The following ITSN1 variants were observed in gnomAD, a reference collection of about 807,000 sequenced individuals.
ITSN1 encodes intersectin 1.
ITSN1 carries 58 observed loss-of-function variants against 239.8 expected under a neutral mutation model. That is an observed-to-expected ratio of 0.24 (90% CI 0.20 to 0.30). ITSN1 has a LOEUF of 0.30. Among genes scored for constraint, ITSN1 ranks in the 10% least tolerant of loss-of-function variants. The probability of loss-of-function intolerance (pLI) is 1.00; values close to 1 mark genes in which losing one functional copy is unlikely to be tolerated. For synonymous variants in ITSN1, 780 were observed against 770.8 expected (o/e 1.01, Z -0.20); for missense variants, 1,558 against 2,103.3 (o/e 0.74, Z 5.07).
chr21:33,738,028 C>G (rs558120163), intron 5 of ITSN1, among the ~76,000 whole-genome samples: 1 of 152,018 alleles, frequency 6.6e-6, no homozygotes, highest in South Asian at 2.1e-4. Flanking sequence ...ACAAAAAATA[C>G]AAAAATTAGC....
At position 33,774,731 on chromosome 21, in the gene ITSN1, T is replaced by C; in HGVS notation, c.1308T>C (p.Ala436=). The change falls in exon 13 of 40, where the codon GCT becomes GCC. Residue 436 remains alanine, a splice_region_variant and synonymous_variant. Coordinates refer to ENST00000381318, the MANE Select transcript of ITSN1 (RefSeq NM_003024.3). ...ATTTGTCTCTGTAAATGTCACAGGC[T>C]GCAAAACGGGAACTTGAAAGGCAAC... is the stretch of plus-strand genomic sequence containing the variant. ...ERRKEIERRE[A]AKRELERQRQ... is the part of the protein sequence containing the mutation. 6.2e-7 allele frequency: 1 copy of C among 1,612,356 alleles called. No individual in the cohort carries two copies. Among genetic ancestry groups the C allele is most frequent in the Admixed American group, 1.7e-5 (1 of 59,436 alleles).
At chr21:33,775,421 G>A (rs2069523229) in intron 14 of ITSN1, among the ~76,000 whole-genome samples, 1 of 152,176 alleles carries the variant, frequency 6.6e-6, no homozygotes, top group African/African-American at 2.4e-5. Context: ...AAAATAAAGT[G>A]TGTACTGTAT....
chr21:33,696,871 C>T (rs1349656910), intron 1 of ITSN1, among the ~76,000 whole-genome samples: 1 of 152,166 alleles, frequency 6.6e-6, no homozygotes, highest in Non-Finnish European at 1.5e-5. Flanking sequence ...GGCTTGGTTG[C>T]TGGCTGTATT....
intron 37 of ITSN1, 32 bp downstream of exon 37, chr21:33,885,155 A>G (rs780701215): frequency 6.4e-7 from 1 of 1,573,030 alleles, no homozygotes; most frequent in South Asian, 1.1e-5. Flanking sequence ...TGTCCTGCAC[A>G]GCTGGGCAGG....
Position 33,892,055 on chromosome 21 carries a change from G to A in ITSN1, c.*3755G>A, listed in dbSNP as rs1317734089. On this transcript the variant is annotated 3_prime_UTR_variant, in exon 40 of 40. Coordinates refer to ENST00000381318, the MANE Select transcript of ITSN1 (RefSeq NM_003024.3). ...ACCTGGTGTGCTTTGGATGTAACAGGGTCATTTTGGGCTCGAGGTGAGTGT... is the reference window on the plus strand; with the variant it reads ...ACCTGGTGTGCTTTGGATGTAACAGAGTCATTTTGGGCTCGAGGTGAGTGT... The A allele has an allele frequency of 1.3e-5, 2 of 152,190 alleles. No homozygotes were observed. Among genetic ancestry groups the A allele is most frequent in the African/African-American group, 2.4e-5 (1 of 41,442 alleles). 9.4% of individuals were successfully genotyped at this position (152,190 alleles called of 1,614,324 possible). A position where few individuals can be genotyped will look rare whatever the true frequency, so the allele number is the denominator to read the frequency against.
At chr21:33,718,205 A>G (rs1037264031) in intron 1 of ITSN1, among the ~76,000 whole-genome samples, 4 of 152,324 alleles carry the variant, frequency 2.6e-5, no homozygotes, top group African/African-American at 9.6e-5. Context: ...ATAATAAATT[A>G]CCTAGTATAA....
intron 17 of ITSN1, among the ~76,000 whole-genome samples, chr21:33,795,548 C>G (rs2071480231): frequency 6.6e-6 from 1 of 152,112 alleles, no homozygotes; most frequent in Non-Finnish European, 1.5e-5. Flanking sequence ...TGCATACTTT[C>G]TTATGGGTAT....
intron 1 of ITSN1, among the ~76,000 whole-genome samples, chr21:33,710,697 T>C (rs1209553848): frequency 6.6e-6 from 1 of 151,996 alleles, no homozygotes; most frequent in South Asian, 2.1e-4. Flanking sequence ...TGGGTAGTGA[T>C]CTCCTTTTTT....
intron 34 of ITSN1, among the ~76,000 whole-genome samples, chr21:33,881,699 G>A (rs1984941203): frequency 6.6e-6 from 1 of 152,074 alleles, no homozygotes; most frequent in Non-Finnish European, 1.5e-5. Context: ...AAAGAGAAAT[G>A]GCCAAGCCCA....
intron 25 of ITSN1, 99 bp from the exon 26 acceptor site, chr21:33,826,719 G>A (rs549038032): frequency 3.9e-6 from 4 of 1,015,704 alleles, no homozygotes; most frequent in African/African-American, 1.6e-5. Flanking sequence ...GAAAAGTGGG[G>A]CTTTGGGGCT....
intron 14 of ITSN1, among the ~76,000 whole-genome samples, chr21:33,775,362 CTG>C (rs2069515795): frequency 6.6e-6 from 1 of 152,184 alleles, no homozygotes; most frequent in Non-Finnish European, 1.5e-5. Flanking sequence ...GACAGACACT[CTG>C]TCTTCTGGGA....
At chr21:33,753,622 C>T (rs1274257884) in intron 7 of ITSN1, among the ~76,000 whole-genome samples, 1 of 151,648 alleles carries the variant, frequency 6.6e-6, no homozygotes, top group Non-Finnish European at 1.5e-5. Context: ...ATTAGCTGGG[C>T]GTGGTGGCGG....
intron 29 of ITSN1, among the ~76,000 whole-genome samples, chr21:33,847,129 A>G (rs773903366): frequency 2.4e-4 from 37 of 152,214 alleles, no homozygotes; most frequent in Non-Finnish European, 5.0e-4. Flanking sequence ...GGAGCAGGCT[A>G]TGGGTGCTTA....
chr21:33,828,058 A>T (rs1408156682), intron 26 of ITSN1, among the ~76,000 whole-genome samples: 2 of 152,238 alleles, frequency 1.3e-5, no homozygotes, highest in African/African-American at 4.8e-5. Flanking sequence ...TAAGTTTTCT[A>T]AGTTTTGTAC....
At chr21:33,818,213 A>G in intron 22 of ITSN1, 54 bp from the exon 23 acceptor site, 1 of 1,487,542 alleles carries the variant, frequency 6.7e-7, no homozygotes. Context: ...CGTCTGCCCT[A>G]ATTGATAACA....
At chr21:33,769,750 C>T (rs1179355736) in intron 11 of ITSN1, among the ~76,000 whole-genome samples, 1 of 151,470 alleles carries the variant, frequency 6.6e-6, no homozygotes, top group Non-Finnish European at 1.5e-5. Context: ...GGCTGGAGTG[C>T]AATGGCGTAA....
At chr21:33,834,487 A>T in intron 28 of ITSN1, 63 bp downstream of exon 28, 2 of 1,119,490 alleles carry the variant, frequency 1.8e-6, no homozygotes, top group South Asian at 2.6e-5. Flanking sequence ...TTTCCACTTG[A>T]TTTTCTCATT....
At chr21:33,714,597 ATATT>A (rs2092514576) in intron 1 of ITSN1, among the ~76,000 whole-genome samples, 2 of 145,620 alleles carry the variant, frequency 1.4e-5, no homozygotes, top group African/African-American at 2.6e-5. Context: ...TAGCTGTGAA[ATATT>A]TAAAGTAAGG....
At chr21:33,718,333 G>T (rs2065286543) in intron 1 of ITSN1, among the ~76,000 whole-genome samples, 1 of 152,166 alleles carries the variant, frequency 6.6e-6, no homozygotes, top group South Asian at 2.1e-4. Flanking sequence ...GTATCCATGG[G>T]TTTCACAGAG....
Sources: gnomAD v4.1 joint callset for allele counts (sites outside exome capture counted in the v4.1 genomes callset) on GRCh38, gnomAD v4.1.1 for gene constraint, MANE v1.5 for transcripts, NCBI Gene and HGNC (gene_info 2026-07-23, HGNC 2026-07-21) for gene names.